Variants in FARS2 observed in about 807,000 individuals in gnomAD.
FARS2 encodes phenylalanyl-tRNA synthetase 2, mitochondrial, also known as phenylalanine--tRNA ligase, mitochondrial.
A neutral mutation model predicts 46.4 loss-of-function variants in FARS2; 40 were observed. That is an observed-to-expected ratio of 0.86 (90% confidence interval 0.67 to 1.12). FARS2 has a LOEUF of 1.12. Among genes scored for constraint, FARS2 ranks in the 50% most tolerant of loss-of-function variants. FARS2 has a pLI of 0.00. For synonymous variants in FARS2, 234 were observed against 214.9 expected, an observed-to-expected ratio of 1.09 and a Z score of -0.78; for missense variants, 513 against 567.9, an observed-to-expected ratio of 0.90 and a Z score of 0.98.
chr6:5,706,177 A>G (rs1758745952), intron 6 of FARS2, among the ~76,000 whole-genome samples: 1 of 151,944 alleles, frequency 6.6e-6, no homozygotes, highest in South Asian at 2.1e-4. Context: ...TAGGGTTCTC[A>G]CTCCTATGAG....
At chr6:5,680,461 G>A (rs765857747) in intron 6 of FARS2, among the ~76,000 whole-genome samples, 10 of 152,160 alleles carry the variant, frequency 6.6e-5, no homozygotes, top group East Asian at 3.8e-4. Flanking sequence ...TAGGGAAAAC[G>A]CTAAATGAGA....
chr6:5,459,692 A>T (rs1381442789), intron 4 of FARS2, among the ~76,000 whole-genome samples: 1 of 151,966 alleles, frequency 6.6e-6, no homozygotes, highest in Non-Finnish European at 1.5e-5. Context: ...ATTAAAGTTT[A>T]CTCCCTTTCT....
At chr6:5,407,055 A>ATATATG (rs1562017874) in intron 3 of FARS2, among the ~76,000 whole-genome samples, 2 of 138,044 alleles carry the variant, frequency 1.4e-5, no homozygotes, top group African/African-American at 5.2e-5. Flanking sequence ...ATATATATAT[A>ATATATG]TATATATATA....
At chr6:5,397,540 G>A (rs1302957521) in intron 2 of FARS2, among the ~76,000 whole-genome samples, 4 of 152,160 alleles carry the variant, frequency 2.6e-5, no homozygotes, top group Admixed American at 1.3e-4. Flanking sequence ...GTGCATGTGT[G>A]GAGGAGGAAT....
At chr6:5,593,600 T>C (rs374401486) in intron 5 of FARS2, among the ~76,000 whole-genome samples, 1 of 152,194 alleles carries the variant, frequency 6.6e-6, no homozygotes, top group Non-Finnish European at 1.5e-5. Flanking sequence ...CTTCACACTT[T>C]CCGTGGGAAC....
At chr6:5,646,679 T>C (rs993889435) in intron 6 of FARS2, among the ~76,000 whole-genome samples, 2 of 152,194 alleles carry the variant, frequency 1.3e-5, no homozygotes, top group African/African-American at 4.8e-5. Context: ...AGTATTTGCA[T>C]ATAACCTACA....
chr6:5,566,939 C>G (rs1313161898), intron 5 of FARS2, among the ~76,000 whole-genome samples: 1 of 152,246 alleles, frequency 6.6e-6, no homozygotes, highest in Non-Finnish European at 1.5e-5. Flanking sequence ...GCAAAACTGT[C>G]ACTGAGACAG....
At chr6:5,619,022 T>C (rs2150689392) in intron 6 of FARS2, among the ~76,000 whole-genome samples, 1 of 152,342 alleles carries the variant, frequency 6.6e-6, no homozygotes, top group Admixed American at 6.5e-5. Flanking sequence ...GTGTTGTTTT[T>C]TGTTTTATTC....
chr6:5,559,384 A>G (rs1192736112), intron 5 of FARS2, among the ~76,000 whole-genome samples: 1 of 152,208 alleles, frequency 6.6e-6, no homozygotes, highest in Admixed American at 6.5e-5. Flanking sequence ...AGCCTGGGCA[A>G]CAGAGTGAGA....
chr6:5,739,088 C>T (rs1761142403), intron 6 of FARS2, among the ~76,000 whole-genome samples: 1 of 152,120 alleles, frequency 6.6e-6, no homozygotes, highest in South Asian at 2.1e-4. Context: ...TAATTTTGTC[C>T]CTTTAAGAAT....
At chr6:5,398,314 TC>T (rs369081117) in intron 2 of FARS2, among the ~76,000 whole-genome samples, 175 of 152,316 alleles carry the variant, frequency 1.1e-3, no homozygotes, top group Middle Eastern at 6.8e-3. Context: ...TTACCTTCTC[TC>T]CCATATATTT....
chr6:5,517,439 C>T (rs578157877), intron 4 of FARS2, among the ~76,000 whole-genome samples: 16 of 152,128 alleles, frequency 1.1e-4, no homozygotes, highest in African/African-American at 1.4e-4. Flanking sequence ...ATGGAGAAGC[C>T]CTGTCTCTAC....
rs565440038 is a variant in FARS2 at position 5,298,826 on chromosome 6, G to C, written c.-22+37166G>C. Among the ~76,000 whole-genome samples, 128 of 138,998 alleles carry C rather than the reference G, an allele frequency of 9.2e-4. No homozygotes were observed. In the East Asian group the frequency reaches 0.019, roughly 21 times the overall value. The allele number at this position is 138,998 out of a possible 152,430, so 91.2% of individuals were successfully genotyped here. A position where few individuals can be genotyped will look rare whatever the true frequency, so the allele number is the denominator to read the frequency against. ...TGCAGTGAGCCGAGATCGTGCCACC[G>C]CACTGCAGCCTGGGCAACAGAGCAA... On this transcript the variant is annotated intron_variant, in intron 1 of 6. Coordinates refer to ENST00000274680, the MANE Select transcript of FARS2 (RefSeq NM_006567.5).
At chr6:5,467,634 G>T (rs983331878) in intron 4 of FARS2, among the ~76,000 whole-genome samples, 1 of 152,120 alleles carries the variant, frequency 6.6e-6, no homozygotes, top group African/African-American at 2.4e-5. Flanking sequence ...ATTTTTTCCA[G>T]TAGCTTCCAC....
At chr6:5,347,801 C>T (rs989502226) in intron 1 of FARS2, among the ~76,000 whole-genome samples, 4 of 152,140 alleles carry the variant, frequency 2.6e-5, no homozygotes, top group Non-Finnish European at 5.9e-5. Flanking sequence ...ACATCTTCAC[C>T]GACATTTGGT....
intron 6 of FARS2, among the ~76,000 whole-genome samples, chr6:5,715,531 C>T (rs1180369878): frequency 6.6e-6 from 1 of 152,280 alleles, no homozygotes; most frequent in East Asian, 1.9e-4. Context: ...GCTGTTTCTA[C>T]AATTTACCTA....
At chr6:5,598,279 A>G (rs907930751) in intron 5 of FARS2, among the ~76,000 whole-genome samples, 1 of 152,160 alleles carries the variant, frequency 6.6e-6, no homozygotes, top group Non-Finnish European at 1.5e-5. Flanking sequence ...GCTACTCTGG[A>G]GGCTGAGGCT....
intron 1 of FARS2, among the ~76,000 whole-genome samples, chr6:5,327,889 C>A (rs1210525732): frequency 6.6e-6 from 1 of 152,200 alleles, no homozygotes; most frequent in Non-Finnish European, 1.5e-5. Flanking sequence ...CCTGTGTTGA[C>A]TTCCACTTGA....
chr6:5,724,851 C>T (rs1420383227), intron 6 of FARS2, among the ~76,000 whole-genome samples: 1 of 152,264 alleles, frequency 6.6e-6, no homozygotes. Context: ...ACATGAAATA[C>T]ATCTGCCCCT....
Sources: allele counts gnomAD v4.1 joint callset (sites outside exome capture counted in the v4.1 genomes callset), GRCh38; gene constraint gnomAD v4.1.1; transcripts MANE v1.5; gene names NCBI Gene and HGNC (gene_info 2026-07-23, HGNC 2026-07-21).